Variants in AVEN observed in about 807,000 individuals in gnomAD.
The protein encoded by AVEN is apoptosis and caspase activation inhibitor, also known as cell death regulator Aven.
AVEN carries 41 observed loss-of-function variants against 38.1 expected under a neutral mutation model. That is an observed-to-expected ratio of 1.08 (90% CI 0.84 to 1.40). AVEN has a LOEUF of 1.40. Ranked by LOEUF, AVEN falls within the 40% of genes most tolerant of loss-of-function variation. The pLI, the probability that AVEN is intolerant of heterozygous loss-of-function variation, is 0.00. For missense variants in AVEN, 605 were observed against 438.8 expected, an observed-to-expected ratio of 1.38 and a Z score of -3.38; for synonymous variants, 206 against 171.8, an observed-to-expected ratio of 1.20 and a Z score of -1.56.
At chr15:34,048,009 A>AC in intron 5 of AVEN, among the ~76,000 whole-genome samples, 1 of 149,040 alleles carries the variant, frequency 6.7e-6, no homozygotes, top group South Asian at 2.2e-4. Flanking sequence ...GGCACACATC[A>AC]CCACGTCCAG....
intron 1 of AVEN, among the ~76,000 whole-genome samples, chr15:34,033,151 G>A (rs1281088413): frequency 1.3e-5 from 2 of 151,988 alleles, no homozygotes; most frequent in Admixed American, 6.6e-5. Context: ...GTTCATCCAC[G>A]GATACTCAAA....
At chr15:33,865,419 G>C (rs1231949880), downstream of AVEN, 5 of 528,212 alleles carry the variant, frequency 9.5e-6, no homozygotes, top group East Asian at 8.9e-5. Context: ...CACTGTGGGA[G>C]AGAACCTGTC....
At chr15:33,938,840 T>A (rs1894201664) in intron 2 of AVEN, among the ~76,000 whole-genome samples, 1 of 152,178 alleles carries the variant, frequency 6.6e-6, no homozygotes, top group Admixed American at 6.5e-5. Context: ...CTTCCTTTTT[T>A]TTTGTGGGGG....
intron 2 of AVEN, among the ~76,000 whole-genome samples, chr15:33,993,156 A>G (rs559200153): frequency 5.9e-5 from 9 of 152,160 alleles, no homozygotes; most frequent in Admixed American, 1.3e-4. Flanking sequence ...ACTTTTGGGG[A>G]AAAAAAATGA....
In AVEN at chr15:33,904,682, T is replaced by TAAAAA. The variant is rs77784482; in HGVS notation, c.446-28692_446-28688dup. 4.7e-3 allele frequency among the ~76,000 whole-genome samples: 622 copies of TAAAAA among 133,750 alleles called. 7 individuals carry two copies. The highest frequency in any genetic ancestry group is 0.017 in the African/African-American group (558 of 32,430). The allele number at this position is 133,750 out of a possible 152,430, so 87.7% of individuals were successfully genotyped here. ...CCTGCCTTGGCCGAGACTGTTTCTTTAAAAAAAAAAAAATATATATATATA... is the reference window on the plus strand; with the variant it reads ...CCTGCCTTGGCCGAGACTGTTTCTTTAAAAAAAAAAAAAAAAAATATATATATATA... On this transcript the variant is annotated intron_variant, in intron 2 of 5. Transcript: ENST00000306730.
chr15:33,924,139 G>A (rs1195098533), intron 2 of AVEN, among the ~76,000 whole-genome samples: 1 of 151,718 alleles, frequency 6.6e-6, no homozygotes, highest in Non-Finnish European at 1.5e-5. Context: ...AAAAAGGTTG[G>A]GGACCACTAA....
At chr15:33,880,930 A>G (rs8041406) in intron 2 of AVEN, among the ~76,000 whole-genome samples, 5,357 of 152,286 alleles carry the variant, frequency 0.035, 281 homozygotes, top group South Asian at 0.12. Flanking sequence ...ATACACATAA[A>G]GAATATAAAG....
At chr15:33,940,188 A>AT in intron 2 of AVEN, among the ~76,000 whole-genome samples, 1 of 152,204 alleles carries the variant, frequency 6.6e-6, no homozygotes, top group Non-Finnish European at 1.5e-5. Flanking sequence ...GCTATGACGC[A>AT]TTTTTTGTTA....
At chr15:33,908,827 G>A (rs1432297615) in intron 2 of AVEN, among the ~76,000 whole-genome samples, 1 of 152,096 alleles carries the variant, frequency 6.6e-6, no homozygotes, top group Non-Finnish European at 1.5e-5. Flanking sequence ...ACTACAAGAG[G>A]GCTGGGGCTT....
Position 34,063,210 on chromosome 15 carries a change from G to T in AVEN, n.1349C>A. Reference sequence around the variant, plus strand: ...GATCTCCTTCATCCTCTGGGCCCCAGCAATCCTCTGCTGGCAGTACTTGGT... The same window carrying T: ...GATCTCCTTCATCCTCTGGGCCCCATCAATCCTCTGCTGGCAGTACTTGGT... On this transcript the variant is annotated non_coding_transcript_exon_variant, in exon 5 of 12. Coordinates refer to the AVEN transcript ENST00000675287. The surrounding 1 kb of genome is among the most constrained non-coding windows in gnomAD (Gnocchi z 4.1). 6.2e-7 allele frequency: 1 copy of T among 1,614,194 alleles called. No individual in the cohort carries two copies. The highest frequency in any genetic ancestry group is 8.5e-7 in the Non-Finnish European group (1 of 1,180,044).
At chr15:33,856,660 T>C (rs1357590218), downstream of AVEN, 1 of 156,526 alleles carries the variant, frequency 6.4e-6, no homozygotes, top group African/African-American at 2.4e-5. Flanking sequence ...TTTTGTTTGT[T>C]TGTTTGTTTG....
intron 2 of AVEN, among the ~76,000 whole-genome samples, chr15:33,966,595 C>T (rs1459140547): frequency 1.3e-5 from 2 of 152,156 alleles, no homozygotes; most frequent in Non-Finnish European, 2.9e-5. Flanking sequence ...TTTCCATCTA[C>T]ACCCCTTTAA....
At chr15:34,074,207 A>G (rs1319405617) in intron 1 of AVEN, among the ~76,000 whole-genome samples, 1 of 151,544 alleles carries the variant, frequency 6.6e-6, no homozygotes, top group East Asian at 1.9e-4. Flanking sequence ...TATGTTGGCC[A>G]GGCTGATCTC....
intron 3 of AVEN, among the ~76,000 whole-genome samples, chr15:33,873,094 C>CTTTTTTTTTTTTTTTTTTTT (rs34223352): frequency 2.4e-5 from 2 of 85,104 alleles, no homozygotes; most frequent in South Asian, 5.8e-4. Flanking sequence ...TTTTCCTTTT[C>CTTTTTTTTTTTTTTTTTTTT]TTTTTTTTTT....
intron 11 of AVEN, chr15:33,861,000 T>G (rs1887992987): frequency 8.9e-7 from 1 of 1,123,662 alleles, no homozygotes. Flanking sequence ...TATCCTTCAA[T>G]TCGATAGAAT....
chr15:33,904,961 C>T (rs1427409496), intron 2 of AVEN, among the ~76,000 whole-genome samples: 1 of 151,502 alleles, frequency 6.6e-6, no homozygotes, highest in Non-Finnish European at 1.5e-5. Context: ...GAAACCTCGT[C>T]TCTACTAAAA....
At chr15:33,943,858 C>G (rs1894410803) in intron 2 of AVEN, among the ~76,000 whole-genome samples, 1 of 147,198 alleles carries the variant, frequency 6.8e-6, no homozygotes, top group South Asian at 2.2e-4. Flanking sequence ...AAGTTGTTAC[C>G]ATGGTAAATT....
Position 33,934,974 on chromosome 15 carries a change from A to G in AVEN, c.446-58979T>C, listed in dbSNP as rs115210083. On this transcript the variant is annotated intron_variant, in intron 2 of 5. Transcript: ENST00000306730. Reference sequence around the variant, plus strand: ...TGGCATATTATAAGTCTCAAGTATTATTTACTTTGAAAATCTTCCAGATTT... The same window carrying G: ...TGGCATATTATAAGTCTCAAGTATTGTTTACTTTGAAAATCTTCCAGATTT... Among the ~76,000 whole-genome samples the G allele has an allele frequency of 2.4e-3, 373 of 152,262 alleles. 1 individual carries two copies. The highest frequency in any genetic ancestry group is 0.014 in the Middle Eastern group (4 of 294).
intron 5 of AVEN, among the ~76,000 whole-genome samples, chr15:34,059,470 A>G (rs1900264803): frequency 6.6e-6 from 1 of 152,166 alleles, no homozygotes; most frequent in Non-Finnish European, 1.5e-5. Context: ...GACTACCTTC[A>G]GAGTAGATGG....
Sources: gnomAD v4.1 joint callset for allele counts (sites outside exome capture counted in the v4.1 genomes callset) on GRCh38, gnomAD v4.1.1 for gene constraint, Gnocchi (gnomAD v3.1) non-coding constraint, MANE v1.5 for transcripts, NCBI Gene and HGNC (gene_info 2026-07-23, HGNC 2026-07-21) for gene names.